The following CASK variants were observed in gnomAD, a reference collection of about 807,000 sequenced individuals.
CASK encodes calcium/calmodulin dependent serine protein kinase, also known as peripheral plasma membrane protein CASK.
In CASK, 4 loss-of-function variants were observed where a neutral mutation model predicts 82.9. That is an observed-to-expected ratio of 0.05 (90% CI 0.02 to 0.11). CASK has a LOEUF of 0.11. Ranked by LOEUF, CASK falls within the 10% of genes least tolerant of loss-of-function variation. CASK has a pLI of 1.00. For synonymous variants in CASK, 259 were observed against 253.5 expected, an observed-to-expected ratio of 1.02 and a Z score of -0.20; for missense variants, 358 against 720.9, an observed-to-expected ratio of 0.50 and a Z score of 5.76.
intron 2 of CASK, among the ~76,000 whole-genome samples, chrX:41,801,927 C>A (rs1360495862): frequency 9.0e-6 from 1 of 111,035 alleles, no homozygotes; most frequent in African/African-American, 3.3e-5. Flanking sequence ...CCCTTTCTCC[C>A]CCTAATACAC....
intron 1 of CASK, among the ~76,000 whole-genome samples, chrX:41,877,680 T>C (rs1389580953): frequency 8.9e-6 from 1 of 112,085 alleles, no homozygotes; most frequent in African/African-American, 3.2e-5. Flanking sequence ...GTTTGAATTC[T>C]GGCCAATCAG....
chrX:41,605,938 C>T (rs1362547650), intron 12 of CASK, among the ~76,000 whole-genome samples: 1 of 111,599 alleles, frequency 9.0e-6, no homozygotes, highest in Non-Finnish European at 1.9e-5. Flanking sequence ...CTCGGCCTCC[C>T]AAAGTGCTGA....
chrX:41,911,296 C>A (rs1428102744), intron 1 of CASK, among the ~76,000 whole-genome samples: 3 of 111,962 alleles, frequency 2.7e-5, no homozygotes, highest in African/African-American at 9.7e-5. Context: ...GCAAAAATTT[C>A]TAACCTAAAT....
At chrX:41,586,641 G>A in intron 14 of CASK, 1 of 280,132 alleles carries the variant, frequency 3.6e-6, no homozygotes, top group Non-Finnish European at 6.3e-6. Flanking sequence ...AGTGACTAAA[G>A]GACTACCCCA....
At chrX:41,778,483 G>A (rs1307488855) in intron 3 of CASK, among the ~76,000 whole-genome samples, 1 of 110,140 alleles carries the variant, frequency 9.1e-6, no homozygotes, top group Non-Finnish European at 1.9e-5. Flanking sequence ...CGCCCGCCTT[G>A]GCCTCCCAAA....
intron 12 of CASK, among the ~76,000 whole-genome samples, chrX:41,592,910 T>G (rs2065768033): frequency 8.9e-6 from 1 of 111,940 alleles, no homozygotes; most frequent in African/African-American, 3.2e-5. Context: ...GTTCTATCCA[T>G]ACAACTTCAT....
intron 21 of CASK, among the ~76,000 whole-genome samples, chrX:41,550,843 C>T (rs894681391): frequency 2.7e-5 from 3 of 110,975 alleles, no homozygotes; most frequent in African/African-American, 6.6e-5. Context: ...TCCAGGAGGT[C>T]GAGGCTGCAG....
chrX:41,693,865 C>A (rs1243311232), intron 5 of CASK, among the ~76,000 whole-genome samples: 2 of 111,521 alleles, frequency 1.8e-5, no homozygotes, highest in Non-Finnish European at 3.8e-5. Flanking sequence ...TCAATGCTCC[C>A]CAACTTTACA....
At chrX:41,656,391 T>C (rs1023030836) in intron 8 of CASK, among the ~76,000 whole-genome samples, 2 of 111,554 alleles carry the variant, frequency 1.8e-5, no homozygotes, top group Non-Finnish European at 3.8e-5. Flanking sequence ...TGGGCTTTGC[T>C]TGCCCGGTGG....
intron 2 of CASK, among the ~76,000 whole-genome samples, chrX:41,811,402 T>G (rs1379959329): frequency 8.9e-6 from 1 of 112,701 alleles, no homozygotes; most frequent in Non-Finnish European, 1.9e-5. Context: ...CAGACCACAG[T>G]GCAATCAAAC....
chrX:41,853,283 A>G, intron 1 of CASK, 56 bp from the exon 2 acceptor site: 1 of 713,697 alleles, frequency 1.4e-6, no homozygotes, highest in Non-Finnish European at 2.2e-6. Flanking sequence ...CCTATTTCCC[A>G]TTAATGTCTT....
chrX:41,534,651 GA>G, intron 24 of CASK, 54 bp downstream of exon 24: 1 of 910,787 alleles, frequency 1.1e-6, no homozygotes, highest in Non-Finnish European at 1.6e-6. Flanking sequence ...ATAAATTATA[GA>G]GTTAAAAAAG....
intron 2 of CASK, among the ~76,000 whole-genome samples, chrX:41,823,785 C>CA (rs1439543188): frequency 1.8e-5 from 2 of 111,144 alleles, no homozygotes; most frequent in Non-Finnish European, 3.8e-5. Flanking sequence ...TTTAGGTGTT[C>CA]GTCAGGATCA....
chrX:41,852,533 G>A (rs996469516), intron 2 of CASK, among the ~76,000 whole-genome samples: 7 of 111,423 alleles, frequency 6.3e-5, no homozygotes, highest in East Asian at 5.6e-4. Context: ...AAATGTTTAC[G>A]TACTGTTTAT....
rs1293839096 is a variant in CASK at position 41,894,559 on chromosome X, T to C, written c.59+28371A>G. Among the ~76,000 whole-genome samples, 5 of 49,462 alleles carry C rather than the reference T, an allele frequency of 1.0e-4. No homozygotes were observed. In the South Asian group the frequency reaches 2.2e-3, roughly 21 times the overall value. The allele number at this position is 49,462 out of a possible 115,157, so 43.0% of individuals were successfully genotyped here. ...GTAGTCCAGGCTGTCATGGAGCATA[T>C]AGAAAAAAGAGAATGCAAGAAGAAA... On this transcript the variant is annotated intron_variant, in intron 1 of 26. Transcript: ENST00000378163.
intron 1 of CASK, among the ~76,000 whole-genome samples, chrX:41,854,211 C>CGTGCGG (rs1480096469): frequency 7.9e-4 from 70 of 88,814 alleles, no homozygotes; most frequent in African/African-American, 2.8e-3. Context: ...CATGCGCGCG[C>CGTGCGG]GCGCGGGCGC....
chrX:41,782,746 A>G (rs1460420688), intron 3 of CASK, among the ~76,000 whole-genome samples: 1 of 111,950 alleles, frequency 8.9e-6, no homozygotes, highest in Non-Finnish European at 1.9e-5. Context: ...TCTCTACTAC[A>G]CTGTCACTAA....
intron 15 of CASK, among the ~76,000 whole-genome samples, chrX:41,573,027 T>C (rs1029700334): frequency 1.0e-4 from 11 of 109,336 alleles, no homozygotes; most frequent in Non-Finnish European, 1.3e-4. Flanking sequence ...CGATAAGACA[T>C]TGATGTCATC....
intron 5 of CASK, chrX:41,728,062 ATT>A: frequency 1.1e-6 from 1 of 913,647 alleles, no homozygotes; most frequent in Non-Finnish European, 1.5e-6. Context: ...ACCCCACAAT[ATT>A]AAGAAAAGCA....
Sources: gnomAD v4.1 joint callset for allele counts (sites outside exome capture counted in the v4.1 genomes callset) on GRCh38, gnomAD v4.1.1 for gene constraint, MANE v1.5 for transcripts, NCBI Gene and HGNC (gene_info 2026-07-23, HGNC 2026-07-21) for gene names.